RPN2: variants seen among roughly 807,000 people sequenced by gnomAD.
The protein encoded by RPN2 is dolichyl-diphosphooligosaccharide--protein glycosyltransferase subunit 2.
A neutral mutation model predicts 71.4 loss-of-function variants in RPN2; 29 were observed. That is an observed-to-expected ratio of 0.41 (90% CI 0.30 to 0.55). The LOEUF (loss-of-function observed/expected upper bound fraction) is 0.55. RPN2 is among the 20% of genes least tolerant of loss of function. The pLI, the probability that RPN2 is intolerant of heterozygous loss-of-function variation, is 0.35. For missense variants in RPN2, 726 were observed against 774.1 expected (o/e 0.94, Z 0.74); for synonymous variants, 308 against 305.0 (o/e 1.01, Z -0.10).
At chr20:37,208,024 C>T (rs1036507766) in intron 7 of RPN2, among the ~76,000 whole-genome samples, 1 of 152,130 alleles carries the variant, frequency 6.6e-6, no homozygotes. Context: ...GTAATCCCAG[C>T]ACTTTGGGAG....
intron 4 of RPN2, among the ~76,000 whole-genome samples, chr20:37,199,692 T>C (rs925785922): frequency 6.6e-6 from 1 of 152,092 alleles, no homozygotes; most frequent in Non-Finnish European, 1.5e-5. Flanking sequence ...GCTCAGAGGG[T>C]GGAGTATTCT....
chr20:37,214,173 G>A lies in RPN2; in HGVS notation c.1092+308G>A, dbSNP rs73293712. Reference sequence around the variant, plus strand: ...AATAAAAATCACCCATAATTCCACTGAGCCTTAAACTCTTAAAGTGTTTTG... The same window carrying A: ...AATAAAAATCACCCATAATTCCACTAAGCCTTAAACTCTTAAAGTGTTTTG... On this transcript the variant is annotated intron_variant, in intron 9 of 16. Transcript: ENST00000237530. 5.1e-3 allele frequency among the ~76,000 whole-genome samples: 784 copies of A among 152,308 alleles called. 5 individuals carry two copies. The highest frequency in any genetic ancestry group is 0.018 in the African/African-American group (747 of 41,564).
At chr20:37,190,942 T>A (rs1196395920) in intron 2 of RPN2, among the ~76,000 whole-genome samples, 1 of 152,216 alleles carries the variant, frequency 6.6e-6, no homozygotes, top group Non-Finnish European at 1.5e-5. Flanking sequence ...GTCATTACTG[T>A]CACTTCCGTG....
intron 5 of RPN2, 69 bp from the exon 6 acceptor site, chr20:37,204,698 G>C (rs1281959552): frequency 1.9e-6 from 3 of 1,551,228 alleles, no homozygotes; most frequent in Non-Finnish European, 2.7e-6. Flanking sequence ...CAGTGGGGTT[G>C]ACAGTGGTTC....
chr20:37,225,775 C>G lies in RPN2; in HGVS notation c.1272C>G (p.Asn424Lys). Residue 424 changes from asparagine to lysine, a missense_variant, in exon 11 of 17, where the codon AAC becomes AAG. Transcript: ENST00000237530. ...TGTTCTTCCAGCTGGTAGATGTGAA[C>G]ACTGGTGCTGAACTCACTCCTCACC... is the stretch of plus-strand genomic sequence containing the variant. ...FALFFQLVDV[N>K]TGAELTPHQT... is the part of the protein sequence containing the mutation. 1 of 1,613,798 alleles carries G rather than the reference C, an allele frequency of 6.2e-7. No individual in the cohort carries two copies. The highest frequency in any genetic ancestry group is 1.1e-5 in the South Asian group (1 of 91,068).
chr20:37,227,213 G>A (rs1412501689), intron 11 of RPN2, among the ~76,000 whole-genome samples: 1 of 152,160 alleles, frequency 6.6e-6, no homozygotes, highest in East Asian at 1.9e-4. Flanking sequence ...CTTCTTCCCA[G>A]AATGACATTT....
At chr20:37,228,483 T>C (rs1440155471) in intron 11 of RPN2, 67 bp from the exon 12 acceptor site, 2 of 1,488,452 alleles carry the variant, frequency 1.3e-6, no homozygotes, top group African/African-American at 2.8e-5. Flanking sequence ...GCCCGGTGGA[T>C]TCAATGTTAG....
chr20:37,237,972 G>A (rs1030461267), intron 16 of RPN2, among the ~76,000 whole-genome samples: 4 of 152,218 alleles, frequency 2.6e-5, no homozygotes, highest in East Asian at 1.9e-4. Context: ...CGGGAGGATC[G>A]CTTGAGCTCA....
intron 12 of RPN2, among the ~76,000 whole-genome samples, chr20:37,229,082 C>T (rs1352776818): frequency 6.6e-6 from 1 of 152,176 alleles, no homozygotes; most frequent in East Asian, 1.9e-4. Context: ...AAAGTTAAGG[C>T]CCTGGCCTTT....
Position 37,217,012 on chromosome 20 carries a change from C to A in RPN2, c.1092+3147C>A, listed in dbSNP as rs1377276538. ...GTGGCGTGATCATGGCTCACTACAG[C>A]CTTGACCTTCTGGGCTCAGGTGATC... is the stretch of plus-strand genomic sequence containing the variant. On this transcript the variant is annotated intron_variant, in intron 9 of 16. Coordinates refer to ENST00000237530, the MANE Select transcript of RPN2 (RefSeq NM_002951.5). Among the ~76,000 whole-genome samples the A allele has an allele frequency of 2.6e-5, 4 of 151,728 alleles. No individual in the cohort carries two copies. In the East Asian group the frequency reaches 7.7e-4, roughly 29 times the overall value.
rs1469384182 is a variant in RPN2, at chr20:37,199,163, G to A, written c.417G>A (p.Leu139=). The part of the protein sequence containing the change: ...VAALSGFGLP[L]ASQEALSALT... The stretch of plus-strand genomic sequence containing the variant: ...CTCTAAGTGGCTTTGGCCTTCCCTT[G>A]GCATCCCAAGAAGCACTCAGTGCCC... Residue 139 remains leucine (L), a synonymous_variant, in exon 4 of 17, where the codon TTG becomes TTA. Coordinates refer to ENST00000237530, the MANE Select transcript of RPN2 (RefSeq NM_002951.5). 5.0e-6 allele frequency: 8 copies of A among 1,614,190 alleles called. No homozygotes were observed. Among genetic ancestry groups the A allele is most frequent in the Non-Finnish European group, 6.8e-6 (8 of 1,180,034 alleles).
At chr20:37,188,400 G>A (rs1004981287) in intron 2 of RPN2, among the ~76,000 whole-genome samples, 4 of 151,760 alleles carry the variant, frequency 2.6e-5, no homozygotes, top group South Asian at 2.1e-4. Flanking sequence ...TGATCTGCCC[G>A]TCTTGGCCTC....
At chr20:37,195,449 T>G (rs930703534) in intron 2 of RPN2, among the ~76,000 whole-genome samples, 3 of 152,214 alleles carry the variant, frequency 2.0e-5, no homozygotes, top group Non-Finnish European at 4.4e-5. Flanking sequence ...GCCAGGCTCT[T>G]CTGGAGCCAG....
intron 4 of RPN2, among the ~76,000 whole-genome samples, chr20:37,202,867 T>C (rs1224750647): frequency 1.3e-5 from 2 of 152,154 alleles, no homozygotes; most frequent in South Asian, 2.1e-4. Context: ...AGATAGAACA[T>C]AGATTGCTGG....
chr20:37,208,086 A>G (rs1249903624), intron 7 of RPN2, among the ~76,000 whole-genome samples: 1 of 152,008 alleles, frequency 6.6e-6, no homozygotes, highest in South Asian at 2.1e-4. Flanking sequence ...CCTGGCCAAC[A>G]TGGTGAAACC....
intron 1 of RPN2, among the ~76,000 whole-genome samples, chr20:37,183,051 A>T (rs1176794692): frequency 6.6e-6 from 1 of 152,210 alleles, no homozygotes. Context: ...TCCTCATGGA[A>T]CTTACAGTTT....
In RPN2 at chr20:37,241,443, T is replaced by G. The variant is rs912946032; in HGVS notation, c.*128T>G. On this transcript the variant is annotated 3_prime_UTR_variant, in exon 17 of 17. Coordinates refer to ENST00000237530, the MANE Select transcript of RPN2 (RefSeq NM_002951.5). The stretch of plus-strand genomic sequence containing the variant: ...AAAAAGAAAAAAGTCCAGATTGTAG[T>G]TATACTTTTGCTTGTTTTTCAGTTT... The G allele has an allele frequency of 1.7e-6, 2 of 1,150,218 alleles. No individual in the cohort carries two copies. Among genetic ancestry groups the G allele is most frequent in the African/African-American group, 3.1e-5 (2 of 63,616 alleles). The allele number at this position is 1,150,218 out of a possible 1,614,324, so 71.3% of individuals were successfully genotyped here. A position where few individuals can be genotyped will look rare whatever the true frequency, so the allele number is the denominator to read the frequency against.
rs200454814 is a variant in RPN2, at chr20:37,228,603, C to G, written c.1353C>G (p.Ala451=). ...QKTGQEVVFV[A]EPDNKNVYKF... is the part of the protein sequence containing the mutation. ...CTGGCCAGGAAGTGGTGTTTGTTGC[C>G]GAGCCAGACAACAAGAACGTGTACA... is the stretch of plus-strand genomic sequence containing the variant. The change falls in exon 12 of 17, where the codon GCC becomes GCG. Residue 451 remains alanine (A), a synonymous_variant. Coordinates refer to ENST00000237530, the MANE Select transcript of RPN2 (RefSeq NM_002951.5). The G allele has an allele frequency of 2.8e-4, 448 of 1,614,070 alleles. No homozygotes were observed. Among genetic ancestry groups the G allele is most frequent in the Non-Finnish European group, 3.6e-4 (425 of 1,180,046 alleles).
At chr20:37,183,542 T>C (rs548885999) in intron 1 of RPN2, among the ~76,000 whole-genome samples, 123 of 152,208 alleles carry the variant, frequency 8.1e-4, no homozygotes, top group Non-Finnish European at 1.6e-3. Context: ...GTAGATACTA[T>C]TATCACTTTA....
Sources: gnomAD v4.1 joint callset for allele counts (sites outside exome capture counted in the v4.1 genomes callset) on GRCh38, gnomAD v4.1.1 for gene constraint, MANE v1.5 for transcripts, NCBI Gene and HGNC (gene_info 2026-07-23, HGNC 2026-07-21) for gene names.